The following DYRK1A variants were observed in gnomAD, a reference collection of about 807,000 sequenced individuals.
DYRK1A encodes dual specificity tyrosine-phosphorylation-regulated kinase 1A.
A neutral mutation model predicts 79.7 loss-of-function variants in DYRK1A; 9 were observed. That is an observed-to-expected ratio of 0.11 (90% CI 0.07 to 0.20). DYRK1A has a LOEUF of 0.20. DYRK1A is among the 10% of genes least tolerant of loss of function. The pLI is 1.00. For synonymous variants in DYRK1A, 349 were observed against 329.7 expected (o/e 1.06, Z -0.63); for missense variants, 622 against 956.0 (o/e 0.65, Z 4.61).
chr21:37,436,319 CA>C (rs1309037553), intron 2 of DYRK1A, among the ~76,000 whole-genome samples: 1 of 152,150 alleles, frequency 6.6e-6, no homozygotes, highest in African/African-American at 2.4e-5. Context: ...ATTCAGTTGT[CA>C]AATGTAAGTG....
At chr21:37,493,512 A>C (rs2053164092) in intron 8 of DYRK1A, among the ~76,000 whole-genome samples, 1 of 152,206 alleles carries the variant, frequency 6.6e-6, no homozygotes, top group South Asian at 2.1e-4. Context: ...AAATTTTGAG[A>C]TTATGATTTG....
intron 1 of DYRK1A, among the ~76,000 whole-genome samples, chr21:37,378,696 T>TG (rs1366262447): frequency 1.3e-5 from 2 of 152,206 alleles, no homozygotes; most frequent in African/African-American, 4.8e-5. Flanking sequence ...ATATGAGTCG[T>TG]GGTAGAAGCT....
intron 2 of DYRK1A, among the ~76,000 whole-genome samples, chr21:37,469,475 C>A (rs2052145902): frequency 6.6e-6 from 1 of 152,162 alleles, no homozygotes; most frequent in Non-Finnish European, 1.5e-5. Flanking sequence ...TTTGTACTTG[C>A]CCTGCTATAA....
intron 3 of DYRK1A, among the ~76,000 whole-genome samples, chr21:37,476,790 TCAGA>T (rs2052407440): frequency 2.7e-5 from 4 of 147,426 alleles, no homozygotes; most frequent in Admixed American, 2.1e-4. Context: ...ATGATTTTTG[TCAGA>T]CAAATAGTAT....
At chr21:37,384,334 A>G (rs2049717700) in intron 1 of DYRK1A, among the ~76,000 whole-genome samples, 1 of 152,192 alleles carries the variant, frequency 6.6e-6, no homozygotes, top group African/African-American at 2.4e-5. Context: ...GGGAGCTGTA[A>G]GCAGAAAAAA....
At chr21:37,496,321 A>T in intron 9 of DYRK1A, 63 bp downstream of exon 9, 1 of 1,503,848 alleles carries the variant, frequency 6.6e-7, no homozygotes, top group Admixed American at 2.1e-5. Flanking sequence ...CTGTCTTTTT[A>T]TAGCTCATTT....
intron 2 of DYRK1A, among the ~76,000 whole-genome samples, chr21:37,463,198 T>C (rs1007003138): frequency 1.6e-4 from 9 of 55,392 alleles, no homozygotes; most frequent in Non-Finnish European, 3.1e-4. Context: ...TGTTTAATGT[T>C]GGCACGTGTG....
At chr21:37,490,058 T>C in intron 6 of DYRK1A, 117 bp from the exon 7 acceptor site, 1 of 1,085,514 alleles carries the variant, frequency 9.2e-7, no homozygotes, top group Non-Finnish European at 1.3e-6. Flanking sequence ...ATCTCCAAAC[T>C]TTAACTGAAC....
chr21:37,512,638 G>A lies in DYRK1A; in HGVS notation c.*107G>A. 7.5e-7 allele frequency: 1 copy of A among 1,334,492 alleles called. No homozygotes were observed. Among genetic ancestry groups the A allele is most frequent in the Non-Finnish European group, 1.0e-6 (1 of 973,762 alleles). 82.7% of individuals were successfully genotyped at this position (1,334,492 alleles called of 1,614,324 possible). On this transcript the variant is annotated 3_prime_UTR_variant, in exon 12 of 12. Transcript: ENST00000647188. ...TGAATCAGGAGGAGATTAACACACT[G>A]AACCGCTACAAGAGGGCAAAGCTGA... is the stretch of plus-strand genomic sequence containing the variant.
At chr21:37,450,039 C>T (rs961377573) in intron 2 of DYRK1A, among the ~76,000 whole-genome samples, 1 of 152,216 alleles carries the variant, frequency 6.6e-6, no homozygotes, top group African/African-American at 2.4e-5. Context: ...GATCCCACAC[C>T]TGGCACTTGT....
chr21:37,409,267 A>G (rs1288135332), intron 1 of DYRK1A, among the ~76,000 whole-genome samples: 4 of 152,148 alleles, frequency 2.6e-5, no homozygotes, highest in Admixed American at 6.5e-5. Context: ...ACTGTTTTAA[A>G]TGGTTTACAG....
chr21:37,382,036 T>C (rs1029283250), intron 1 of DYRK1A, among the ~76,000 whole-genome samples: 5 of 152,106 alleles, frequency 3.3e-5, no homozygotes, highest in African/African-American at 1.2e-4. Flanking sequence ...TATGTTTGAA[T>C]ATAGTTTTAT....
chr21:37,454,829 G>A (rs1433446147), intron 2 of DYRK1A, among the ~76,000 whole-genome samples: 1 of 152,204 alleles, frequency 6.6e-6, no homozygotes, highest in Non-Finnish European at 1.5e-5. Flanking sequence ...AGATGCTGAT[G>A]TTAAAGATGG....
At chr21:37,506,457 T>C in intron 11 of DYRK1A, 1 of 1,289,710 alleles carries the variant, frequency 7.8e-7, no homozygotes, top group Non-Finnish European at 1.0e-6. Context: ...TTTTGAACAG[T>C]TTTTTTCCTG....
rs1245907571 is a variant in DYRK1A at position 37,511,905 on chromosome 21, T to A, written c.1645-6T>A. ...GAAAAATCCTTTTAAAAATCTGTTC[T>A]TTCAGGTGCGTCAGCAATTTCCTGC... is the stretch of plus-strand genomic sequence containing the variant. On this transcript the variant is annotated splice_region_variant and splice_polypyrimidine_tract_variant and intron_variant, in intron 11 of 11. Transcript: ENST00000647188. The A allele has an allele frequency of 6.2e-7, 1 of 1,608,330 alleles. No homozygotes were observed. The highest frequency in any genetic ancestry group is 8.5e-7 in the Non-Finnish European group (1 of 1,175,610).
At chr21:37,415,032 G>GTC (rs2050311207) in intron 1 of DYRK1A, among the ~76,000 whole-genome samples, 1 of 152,130 alleles carries the variant, frequency 6.6e-6, no homozygotes, top group Non-Finnish European at 1.5e-5. Context: ...GAAATGATGT[G>GTC]TCAGTGCATT....
chr21:37,428,610 T>C (rs183611609), intron 2 of DYRK1A, among the ~76,000 whole-genome samples: 4 of 152,340 alleles, frequency 2.6e-5, no homozygotes, highest in Admixed American at 6.5e-5. Context: ...GAATTGTAGA[T>C]TCAAAGTGAA....
At chr21:37,366,355 G>A (rs940237900), upstream of DYRK1A, among the ~76,000 whole-genome samples, 2 of 145,514 alleles carry the variant, frequency 1.4e-5, no homozygotes, top group East Asian at 2.0e-4. Context: ...AGGGCTGCGG[G>A]GGCGGCGGCG....
At chr21:37,428,247 C>T (rs1284230062) in intron 2 of DYRK1A, among the ~76,000 whole-genome samples, 4 of 152,098 alleles carry the variant, frequency 2.6e-5, no homozygotes, top group African/African-American at 7.2e-5. Context: ...TTCATGGTGT[C>T]GTTTTATACA....
Sources: allele counts gnomAD v4.1 joint callset (sites outside exome capture counted in the v4.1 genomes callset), GRCh38; gene constraint gnomAD v4.1.1; transcripts MANE v1.5; gene names NCBI Gene and HGNC (gene_info 2026-07-23, HGNC 2026-07-21).